Variants in CACNA2D3 observed in about 807,000 individuals in gnomAD.
CACNA2D3 encodes the protein voltage-dependent calcium channel subunit alpha-2/delta-3.
Under a neutral mutation model 160.6 loss-of-function variants are expected in CACNA2D3, and 60 were observed. The ratio of observed to expected loss-of-function variants is 0.37; its 90% CI spans 0.30 to 0.46. CACNA2D3 has a LOEUF of 0.46. Ranked by LOEUF, CACNA2D3 falls within the 20% of genes least tolerant of loss-of-function variation. The probability of loss-of-function intolerance (pLI) is 1.00; values close to 1 mark genes in which losing one functional copy is unlikely to be tolerated. For missense variants in CACNA2D3, 1,205 were observed against 1,365.0 expected, an observed-to-expected ratio of 0.88 and a Z score of 1.85; for synonymous variants, 558 against 492.9, an observed-to-expected ratio of 1.13 and a Z score of -1.75.
intron 10 of CACNA2D3, among the ~76,000 whole-genome samples, chr3:54,629,423 G>T (rs1385461322): frequency 6.6e-6 from 1 of 152,124 alleles, no homozygotes; most frequent in Non-Finnish European, 1.5e-5. Context: ...AATAATACCT[G>T]TTGCCACGAA....
intron 24 of CACNA2D3, among the ~76,000 whole-genome samples, chr3:54,888,449 G>A (rs1699979081): frequency 6.6e-6 from 1 of 152,130 alleles, no homozygotes; most frequent in African/African-American, 2.4e-5. Context: ...TTCATAGGGT[G>A]TTAGATATAA....
chr3:55,051,996 C>T (rs1038487924), intron 35 of CACNA2D3, among the ~76,000 whole-genome samples: 1 of 152,154 alleles, frequency 6.6e-6, no homozygotes, highest in Non-Finnish European at 1.5e-5. Flanking sequence ...TGACCTGCGC[C>T]CACTGTCTGG....
At chr3:54,526,113 A>G (rs1018030877) in intron 5 of CACNA2D3, among the ~76,000 whole-genome samples, 3 of 152,052 alleles carry the variant, frequency 2.0e-5, no homozygotes, top group Non-Finnish European at 2.9e-5. Flanking sequence ...GAGTCTCTCT[A>G]AAGAATTTTT....
At chr3:54,237,798 G>T (rs1309038775) in intron 2 of CACNA2D3, among the ~76,000 whole-genome samples, 1 of 152,124 alleles carries the variant, frequency 6.6e-6, no homozygotes, top group Non-Finnish European at 1.5e-5. Context: ...TCTCTTTTCT[G>T]TTGCAGGATT....
At chr3:54,200,246 G>A (rs796892763) in intron 2 of CACNA2D3, among the ~76,000 whole-genome samples, 27 of 152,334 alleles carry the variant, frequency 1.8e-4, no homozygotes, top group African/African-American at 6.3e-4. Context: ...CAGCTAGTGG[G>A]TGGTTGGGTG....
At chr3:54,413,393 TATATCTATATATATCTATATATATAG>T (rs916171308) in intron 4 of CACNA2D3, among the ~76,000 whole-genome samples, 6 of 144,346 alleles carry the variant, frequency 4.2e-5, no homozygotes, top group Non-Finnish European at 7.5e-5. Flanking sequence ...GATGCATATA[TATATCTATATATATCTATATATATAG>T]ATATCTATAT....
intron 2 of CACNA2D3, among the ~76,000 whole-genome samples, chr3:54,230,466 A>G (rs192470496): frequency 6.6e-6 from 1 of 152,324 alleles, no homozygotes; most frequent in Non-Finnish European, 1.5e-5. Flanking sequence ...AAAAGGCATA[A>G]TAATTTCTGT....
chr3:54,603,933 A>G (rs545745151), intron 9 of CACNA2D3, among the ~76,000 whole-genome samples: 43 of 152,290 alleles, frequency 2.8e-4, no homozygotes, highest in Non-Finnish European at 5.9e-4. Flanking sequence ...GTAAATTGGG[A>G]TAGCCCTTAC....
chr3:55,025,008 A>G (rs947941297), intron 35 of CACNA2D3, among the ~76,000 whole-genome samples: 12 of 152,308 alleles, frequency 7.9e-5, no homozygotes, highest in Admixed American at 4.6e-4. Context: ...CAGTCATCAT[A>G]ACTACAAACT....
chr3:54,754,475 C>T (rs187967978), intron 12 of CACNA2D3, among the ~76,000 whole-genome samples: 1 of 152,256 alleles, frequency 6.6e-6, no homozygotes, highest in Non-Finnish European at 1.5e-5. Context: ...TGTAAGTGCC[C>T]TGAGTTATTC....
chr3:55,029,368 T>G lies in CACNA2D3; in HGVS notation c.2987+11051T>G, dbSNP rs898073634. Among the ~76,000 whole-genome samples, 7 of 152,222 alleles carry G rather than the reference T, an allele frequency of 4.6e-5. No individual in the cohort carries two copies. The East Asian group carries it at 1.4e-3, about 29-fold the overall frequency. On this transcript the variant is annotated intron_variant, in intron 35 of 37. Transcript: ENST00000474759. ...GCCTCTTAGGATCTATGTGTGGGTT[T>G]AAAAAAAGATGTATTACTTTCATAC...
intron 13 of CACNA2D3, 55 bp from the exon 14 acceptor site, chr3:54,816,798 C>G: frequency 6.3e-7 from 1 of 1,597,164 alleles, no homozygotes; most frequent in South Asian, 1.1e-5. Flanking sequence ...CCATTAATTA[C>G]TTATATAATG....
At chr3:55,061,092 A>G (rs760749613) in intron 35 of CACNA2D3, among the ~76,000 whole-genome samples, 1 of 152,240 alleles carries the variant, frequency 6.6e-6, no homozygotes, top group East Asian at 1.9e-4. Context: ...CATTCTGTCT[A>G]CAACAGAATA....
chr3:55,007,612 T>C (rs1315457340), intron 32 of CACNA2D3, among the ~76,000 whole-genome samples, 178 bp from the exon 33 acceptor site: 2 of 152,230 alleles, frequency 1.3e-5, no homozygotes, highest in Non-Finnish European at 2.9e-5. Context: ...AGTTTTAAAA[T>C]GTTTGTTTTA....
chr3:54,528,156 C>T (rs1477407574), intron 5 of CACNA2D3, among the ~76,000 whole-genome samples: 1 of 151,970 alleles, frequency 6.6e-6, no homozygotes, highest in East Asian at 1.9e-4. Flanking sequence ...TGTTGGTGTG[C>T]AGCCAGGGTT....
intron 14 of CACNA2D3, among the ~76,000 whole-genome samples, chr3:54,822,507 C>T (rs1185308957): frequency 6.6e-6 from 1 of 152,156 alleles, no homozygotes; most frequent in Non-Finnish European, 1.5e-5. Context: ...GCAAGTGTAC[C>T]CATGTGAGTC....
intron 11 of CACNA2D3, among the ~76,000 whole-genome samples, chr3:54,702,382 A>G (rs1005997077): frequency 1.3e-5 from 2 of 152,154 alleles, no homozygotes; most frequent in Non-Finnish European, 2.9e-5. Context: ...CAGGGAATCT[A>G]TAAGGAACTT....
intron 13 of CACNA2D3, among the ~76,000 whole-genome samples, chr3:54,795,409 T>C (rs1702847868): frequency 6.8e-6 from 1 of 148,100 alleles, no homozygotes; most frequent in Non-Finnish European, 1.5e-5. Flanking sequence ...TTACCACTTA[T>C]GAGTCACATT....
chr3:54,152,696 G>C (rs1321296045), intron 2 of CACNA2D3, among the ~76,000 whole-genome samples: 1 of 152,160 alleles, frequency 6.6e-6, no homozygotes, highest in African/African-American at 2.4e-5. Flanking sequence ...TAGTGTTTAT[G>C]GGACAGTGAC....
Sources: allele counts gnomAD v4.1 joint callset (sites outside exome capture counted in the v4.1 genomes callset), GRCh38; gene constraint gnomAD v4.1.1; transcripts MANE v1.5; gene names NCBI Gene and HGNC (gene_info 2026-07-23, HGNC 2026-07-21).